Variants in FBXL16 observed in about 807,000 individuals in gnomAD.
FBXL16 encodes the protein F-box and leucine rich repeat protein 16.
In FBXL16, 7 loss-of-function variants were observed where a neutral mutation model predicts 36.7. That is an observed-to-expected ratio of 0.19 (90% CI 0.11 to 0.36). The LOEUF is 0.36. Ranked by LOEUF, FBXL16 falls within the 10% of genes least tolerant of loss-of-function variation. The pLI is 1.00. For missense variants in FBXL16, 463 were observed against 659.4 expected, an observed-to-expected ratio of 0.70 and a Z score of 3.26; for synonymous variants, 355 against 308.7, an observed-to-expected ratio of 1.15 and a Z score of -1.57.
At position 693,551 on chromosome 16, in the gene FBXL16, A is replaced by G. The variant is rs2039986565; in HGVS notation, c.*724T>C. 1 of 152,710 alleles carries G rather than the reference A, an allele frequency of 6.5e-6. No individual in the cohort carries two copies. The highest frequency in any genetic ancestry group is 1.5e-5 in the Non-Finnish European group (1 of 68,104). 9.5% of individuals were successfully genotyped at this position (152,710 alleles called of 1,614,324 possible). ...CGCCCTCTCCCTGCCCAATTCTCTC[A>G]GCCTGGCCAGGGACCAAGGCCGGGT... is the stretch of plus-strand genomic sequence containing the variant. On this transcript the variant is annotated 3_prime_UTR_variant, in exon 6 of 6. Transcript: ENST00000397621.
intron 1 of FBXL16, among the ~76,000 whole-genome samples, chr16:704,838 G>A (rs1004970264): frequency 1.3e-5 from 2 of 152,238 alleles, no homozygotes; most frequent in African/African-American, 4.8e-5. Flanking sequence ...GTCAGTTCCT[G>A]AAGCTGCCAC....
At chr16:699,955 T>A (rs960867940) in intron 1 of FBXL16, among the ~76,000 whole-genome samples, 2 of 152,140 alleles carry the variant, frequency 1.3e-5, no homozygotes, top group African/African-American at 4.8e-5. Flanking sequence ...CCTGGCCTGC[T>A]CCACCACAGA....
chr16:695,477 G>C lies in FBXL16; in HGVS notation c.1080C>G (p.Thr360=). 1 of 1,581,748 alleles carries C rather than the reference G, an allele frequency of 6.3e-7. No individual in the cohort carries two copies. The highest frequency in any genetic ancestry group is 1.1e-5 in the South Asian group (1 of 88,426). Residue 360 remains threonine (T), a synonymous_variant, in exon 3 of 6, where the codon ACC becomes ACG. Coordinates refer to ENST00000397621, the MANE Select transcript of FBXL16 (RefSeq NM_153350.4). The part of the protein sequence containing the change: ...SLDLSWCPRI[T]DMALEYVACD... ...AGGCCACGTACTCCAGCGCCATGTC[G>C]GTGATGCGTGGGCACCACGAGAGGT... is the stretch of plus-strand genomic sequence containing the variant.
rs2151520159 is a variant in FBXL16, at chr16:695,417, G to A, written c.1140C>T (p.Asp380=). The A allele has an allele frequency of 6.5e-7, 1 of 1,532,432 alleles. No individual in the cohort carries two copies. The highest frequency in any genetic ancestry group is 8.7e-7 in the Non-Finnish European group (1 of 1,144,768). The allele number at this position is 1,532,432 out of a possible 1,614,324, so 94.9% of individuals were successfully genotyped here. A position where few individuals can be genotyped will look rare whatever the true frequency, so the allele number is the denominator to read the frequency against. Residue 380 remains aspartate (D), a splice_region_variant and synonymous_variant, in exon 3 of 6, where the codon GAC becomes GAT. Coordinates refer to ENST00000397621, the MANE Select transcript of FBXL16 (RefSeq NM_153350.4). The part of the protein sequence containing the change: ...DLHRLEELVL[D]RCVRITDTGL... ...CGGCGCGGCCCGGGGGCGCGCACCT[G>A]TCGAGCACGAGCTCCTCTAGGCGGT... is the stretch of plus-strand genomic sequence containing the variant.
chr16:703,094 A>G (rs2040068401), intron 1 of FBXL16, among the ~76,000 whole-genome samples: 1 of 152,054 alleles, frequency 6.6e-6, no homozygotes, highest in Admixed American at 6.5e-5. Flanking sequence ...GATTCCCTCT[A>G]CCTGGGTCCT....
Position 702,125 on chromosome 16 carries a change from T to C in FBXL16, c.-15+3387A>G, listed in dbSNP as rs183844241. ...GGCTGACCATTCCCAGACGGCCATG[T>C]GGGGGCCCCGCAGGAGCTGCCTCTT... is the stretch of plus-strand genomic sequence containing the variant. On this transcript the variant is annotated intron_variant, in intron 1 of 5. Transcript: ENST00000397621. Among the ~76,000 whole-genome samples the C allele has an allele frequency of 1.2e-3, 186 of 152,270 alleles. 1 individual carries two copies. The highest frequency in any genetic ancestry group is 4.4e-3 in the African/African-American group (183 of 41,570).
In FBXL16 at chr16:705,059, G is replaced by A. The variant is rs181978040; in HGVS notation, c.-15+453C>T. Among the ~76,000 whole-genome samples, 556 of 152,304 alleles carry A rather than the reference G, an allele frequency of 3.7e-3. 5 individuals are homozygous for A. Among genetic ancestry groups the A allele is most frequent in the African/African-American group, 0.013 (521 of 41,562 alleles). ...CTCCCGCGGGCAGTAGCTCAGCGCA[G>A]GCCCCGGGTCCAGAAGCCGCCCGCC... is the stretch of plus-strand genomic sequence containing the variant. On this transcript the variant is annotated intron_variant, in intron 1 of 5. Coordinates refer to ENST00000397621, the MANE Select transcript of FBXL16 (RefSeq NM_153350.4).
chr16:705,303 C>A (rs1211760973), intron 1 of FBXL16, among the ~76,000 whole-genome samples: 6 of 152,074 alleles, frequency 3.9e-5, no homozygotes, highest in Non-Finnish European at 7.4e-5. Context: ...GGGCCAGGGG[C>A]CGGGGCGCGG....
In FBXL16 at chr16:695,912, T is replaced by G; in HGVS notation, c.645A>C (p.Glu215Asp). 2 of 1,586,382 alleles carry G rather than the reference T, an allele frequency of 1.3e-6. No homozygotes were observed. Among genetic ancestry groups the G allele is most frequent in the Non-Finnish European group, 1.7e-6 (2 of 1,161,112 alleles). ...ITDAGLEVMLEQMQGVVRLEL... is the reference protein window; with the variant it reads ...ITDAGLEVMLDQMQGVVRLEL... ...CCAGACGCACCACGCCCTGCATCTG[T>G]TCAAGCATAACCTGCAGGCGGGCGG... Residue 215 changes from glutamate to aspartate, a missense_variant, in exon 3 of 6, where the codon GAA (glutamate) becomes GAC (aspartate). By Grantham distance (45) the Glu-to-Asp change is conservative (BLOSUM62 2). This residue lies in a region of FBXL16 where 263 missense variants were observed against 341.1 expected (regional missense o/e 0.77). Transcript: ENST00000397621.
intron 1 of FBXL16, among the ~76,000 whole-genome samples, chr16:702,091 C>T (rs866430977): frequency 5.9e-5 from 9 of 152,302 alleles, no homozygotes; most frequent in Middle Eastern, 3.4e-3. Context: ...TGTACATGTA[C>T]AGCATCCAGG....
Position 699,981 on chromosome 16 carries a change from G to A in FBXL16, c.-14-2562C>T, listed in dbSNP as rs180688250. Among the ~76,000 whole-genome samples, 503 of 152,202 alleles carry A rather than the reference G, an allele frequency of 3.3e-3. 4 individuals carry two copies. Among genetic ancestry groups the A allele is most frequent in the East Asian group, 0.018 (91 of 5,176 alleles). ...CCACCACAGAGAGTGGCGGGGTCTCGGACGGCACTGCAACCCCAAGGCCCG... is the reference window on the plus strand; with the variant it reads ...CCACCACAGAGAGTGGCGGGGTCTCAGACGGCACTGCAACCCCAAGGCCCG... On this transcript the variant is annotated intron_variant, in intron 1 of 5. Coordinates refer to ENST00000397621, the MANE Select transcript of FBXL16 (RefSeq NM_153350.4).
At chr16:694,526 G>A in intron 5 of FBXL16, 103 bp from the exon 6 acceptor site, 3 of 1,512,198 alleles carry the variant, frequency 2.0e-6, no homozygotes, top group Non-Finnish European at 2.7e-6. Context: ...CCGGGACTGT[G>A]TGTCCGCGCC....
chr16:700,960 G>A (rs2040051905), intron 1 of FBXL16, among the ~76,000 whole-genome samples: 1 of 152,230 alleles, frequency 6.6e-6, no homozygotes, highest in Admixed American at 6.5e-5. Context: ...GGAAGGATCC[G>A]GAGGAGGCGG....
chr16:697,511 TG>T lies in FBXL16; in HGVS notation c.-14-93del. 7.0e-7 allele frequency: 1 copy of T among 1,425,678 alleles called. No individual in the cohort carries two copies. The highest frequency in any genetic ancestry group is 9.2e-7 in the Non-Finnish European group (1 of 1,082,326). 88.3% of individuals were successfully genotyped at this position (1,425,678 alleles called of 1,614,324 possible). A position where few individuals can be genotyped will look rare whatever the true frequency, so the allele number is the denominator to read the frequency against. ...GGTGCAGTGGGGCTCCTTCCCTCCT[TG>T]GGCGTCCCTATGGTGCTCCCAGAAC... is the stretch of plus-strand genomic sequence containing the variant. On this transcript the variant is annotated intron_variant, in intron 1 of 5. Coordinates refer to ENST00000397621, the MANE Select transcript of FBXL16 (RefSeq NM_153350.4). This position sits in a 1 kb window ranked among gnomAD's most constrained non-coding sequence, Gnocchi z 4.6.
chr16:694,302 G>C lies in FBXL16; in HGVS notation c.1413C>G (p.His471Gln), dbSNP rs368142159. The change falls in exon 6 of 6, where the codon CAC becomes CAG. Residue 471 changes from histidine (H) to glutamine (Q), a missense_variant. Physicochemically the swap from His to Gln is conservative, Grantham distance 24. Transcript: ENST00000397621. ...ACTCAATGACGAGGCAGCGGGGCAGGTGCTGCGAGAAATACTTGAAGAGCT... is the reference window on the plus strand; with the variant it reads ...ACTCAATGACGAGGCAGCGGGGCAGCTGCTGCGAGAAATACTTGAAGAGCT... Reference protein sequence around the residue: ...TPELFKYFSQHLPRCLVIE With the variant: ...TPELFKYFSQQLPRCLVIE 3.4e-5 allele frequency: 49 copies of C among 1,461,788 alleles called. No homozygotes were observed. In the Admixed American group the frequency reaches 1.3e-3, roughly 39 times the overall value. 90.6% of individuals were successfully genotyped at this position (1,461,788 alleles called of 1,614,324 possible).
intron 1 of FBXL16, among the ~76,000 whole-genome samples, chr16:699,361 T>G (rs1458305249): frequency 6.6e-6 from 1 of 152,206 alleles, no homozygotes; most frequent in Non-Finnish European, 1.5e-5. Context: ...GGACCCTCAC[T>G]GTGCCACCAT....
In FBXL16 at chr16:697,639, G is replaced by A. The variant is rs1038170512; in HGVS notation, c.-14-220C>T. ...CTGGCAGCACTCACTGGGCACCTAC[G>A]GTATGCACTGAGCCCAACCTTCATT... On this transcript the variant is annotated intron_variant, in intron 1 of 5. Coordinates refer to ENST00000397621, the MANE Select transcript of FBXL16 (RefSeq NM_153350.4). The surrounding 1 kb of genome is among the most constrained non-coding windows in gnomAD (Gnocchi z 4.6). 2.0e-5 allele frequency among the ~76,000 whole-genome samples: 3 copies of A among 152,240 alleles called. No individual in the cohort carries two copies. The highest frequency in any genetic ancestry group is 3.9e-4 in the East Asian group (2 of 5,168).
rs1339314273 is a variant in FBXL16, at chr16:695,819, C to T, written c.738G>A (p.Ser246=). The T allele has an allele frequency of 5.0e-6, 8 of 1,608,556 alleles. No homozygotes were observed. In the Admixed American group the frequency reaches 1.2e-4, roughly 23 times the overall value. Residue 246 remains serine, a synonymous_variant, in exon 3 of 6, where the codon TCG becomes TCA. Transcript: ENST00000397621. Reference sequence around the variant, plus strand: ...CGTTGATGCAGTCACTCACGCTCAGCGAGGTGATGCGCGCGCTCAGGCTGG... The same window carrying T: ...CGTTGATGCAGTCACTCACGCTCAGTGAGGTGATGCGCGCGCTCAGGCTGG... ...LWSSLSARIT[S]LSVSDCINVA...
At chr16:700,870 G>C (rs899867292) in intron 1 of FBXL16, among the ~76,000 whole-genome samples, 1 of 152,174 alleles carries the variant, frequency 6.6e-6, no homozygotes, top group Admixed American at 6.5e-5. Context: ...GCGGGGTCGG[G>C]GCAGCCCCGC....
Sources: gnomAD v4.1 joint callset for allele counts (sites outside exome capture counted in the v4.1 genomes callset) on GRCh38, gnomAD v4.1.1 for gene constraint, gnomAD v4.1.1 regional missense constraint, Gnocchi (gnomAD v3.1) non-coding constraint, MANE v1.5 for transcripts, NCBI Gene and HGNC (gene_info 2026-07-23, HGNC 2026-07-21) for gene names.